The following ADAMTSL1 variants were observed in gnomAD, a reference collection of about 807,000 sequenced individuals.
ADAMTSL1 encodes the protein ADAMTS-like protein 1.
Under a neutral mutation model 201.8 loss-of-function variants are expected in ADAMTSL1, and 126 were observed. That is an observed-to-expected ratio of 0.62 (90% CI 0.54 to 0.72). ADAMTSL1 has a LOEUF of 0.72. Among genes scored for constraint, ADAMTSL1 ranks in the 30% least tolerant of loss-of-function variants. The pLI is 0.00. For missense variants in ADAMTSL1, 2,679 were observed against 2,277.8 expected, an observed-to-expected ratio of 1.18 and a Z score of -3.59; for synonymous variants, 1,121 against 903.4, an observed-to-expected ratio of 1.24 and a Z score of -4.32.
chr9:18,158,888 A>G (rs931179347), intron 1 of ADAMTSL1, among the ~76,000 whole-genome samples: 8 of 151,910 alleles, frequency 5.3e-5, no homozygotes, highest in Non-Finnish European at 1.2e-4. Context: ...GCAGGACTAG[A>G]TTTGGGCTCT....
At chr9:18,138,353 A>G (rs768429724) in intron 1 of ADAMTSL1, among the ~76,000 whole-genome samples, 3 of 152,156 alleles carry the variant, frequency 2.0e-5, no homozygotes, top group South Asian at 2.1e-4. Flanking sequence ...TATCTCCCCA[A>G]TTATCTCTTT....
intron 1 of ADAMTSL1, among the ~76,000 whole-genome samples, chr9:17,914,247 A>T (rs922153794): frequency 1.1e-4 from 17 of 152,188 alleles, no homozygotes; most frequent in African/African-American, 3.6e-4. Context: ...AATATCCTTG[A>T]TGAACATTGA....
At chr9:18,047,340 T>C (rs1221836452) in intron 1 of ADAMTSL1, among the ~76,000 whole-genome samples, 6 of 152,192 alleles carry the variant, frequency 3.9e-5, no homozygotes, top group Admixed American at 2.0e-4. Flanking sequence ...TGTTCTTGGT[T>C]GTCACAACTT....
At chr9:18,473,952 T>C (rs898365747), upstream of ADAMTSL1, 9 of 406,424 alleles carry the variant, frequency 2.2e-5, no homozygotes, top group Middle Eastern at 6.1e-4. Flanking sequence ...CCCCCTTTTT[T>C]GCTCGCACCG....
chr9:18,635,227 T>G (rs1827039279), intron 5 of ADAMTSL1, among the ~76,000 whole-genome samples: 1 of 152,070 alleles, frequency 6.6e-6, no homozygotes, highest in Non-Finnish European at 1.5e-5. Flanking sequence ...GTGATGGTAT[T>G]TGAGATGCAT....
At chr9:18,491,407 A>G (rs963422991) in intron 1 of ADAMTSL1, among the ~76,000 whole-genome samples, 1 of 152,364 alleles carries the variant, frequency 6.6e-6, no homozygotes. Context: ...TGTGGAAGGA[A>G]AAAGAACTCT....
At chr9:18,245,278 G>A (rs1419274654) in intron 2 of ADAMTSL1, among the ~76,000 whole-genome samples, 3 of 152,102 alleles carry the variant, frequency 2.0e-5, no homozygotes, top group Non-Finnish European at 4.4e-5. Context: ...GGTCAAATGA[G>A]TAATTTAAAA....
chr9:18,208,791 G>T (rs1397431028), intron 2 of ADAMTSL1, among the ~76,000 whole-genome samples: 3 of 152,128 alleles, frequency 2.0e-5, no homozygotes, highest in Non-Finnish European at 2.9e-5. Context: ...AATGAGTTAT[G>T]TTAGAGGATA....
At chr9:18,852,077 A>G (rs894475972) in intron 23 of ADAMTSL1, among the ~76,000 whole-genome samples, 1 of 152,174 alleles carries the variant, frequency 6.6e-6, no homozygotes, top group Non-Finnish European at 1.5e-5. Flanking sequence ...GTGTCTGCCT[A>G]ACTACCTACT....
chr9:18,638,682 A>G (rs1827253511), intron 6 of ADAMTSL1, among the ~76,000 whole-genome samples: 1 of 152,158 alleles, frequency 6.6e-6, no homozygotes, highest in Non-Finnish European at 1.5e-5. Context: ...ATCAAAATGG[A>G]TTTTAAAAAG....
chr9:18,659,333 G>T (rs996554466), intron 8 of ADAMTSL1, among the ~76,000 whole-genome samples: 2 of 152,250 alleles, frequency 1.3e-5, no homozygotes, highest in African/African-American at 4.8e-5. Context: ...ATGGAGCAAT[G>T]TTGGATTTTA....
At chr9:18,393,943 T>A (rs940326282) in intron 2 of ADAMTSL1, among the ~76,000 whole-genome samples, 2 of 152,158 alleles carry the variant, frequency 1.3e-5, no homozygotes, top group African/African-American at 4.8e-5. Flanking sequence ...TAAACAAATA[T>A]CCTAATGTGT....
chr9:17,959,066 A>G (rs1817612229), intron 1 of ADAMTSL1, among the ~76,000 whole-genome samples: 1 of 152,192 alleles, frequency 6.6e-6, no homozygotes, highest in Non-Finnish European at 1.5e-5. Flanking sequence ...CTACTGTAAT[A>G]TAGTATTATT....
At chr9:18,012,783 G>A (rs1480188764) in intron 1 of ADAMTSL1, among the ~76,000 whole-genome samples, 2 of 151,976 alleles carry the variant, frequency 1.3e-5, no homozygotes, top group Non-Finnish European at 2.9e-5. Context: ...CAATGCGGGA[G>A]CTTTGTCTTT....
chr9:18,721,797 T>A, intron 15 of ADAMTSL1, 132 bp downstream of exon 15: 1 of 1,364,288 alleles, frequency 7.3e-7, no homozygotes, highest in East Asian at 2.6e-5. Context: ...TTCAAACTTT[T>A]AGTCAAATCC....
At position 17,936,753 on chromosome 9, in the gene ADAMTSL1, C is replaced by T. The variant is rs1352547891; in HGVS notation, c.87+29831C>T. Among the ~76,000 whole-genome samples the T allele has an allele frequency of 7.2e-5, 11 of 152,166 alleles. No homozygotes were observed. In the South Asian group the frequency reaches 8.3e-4, roughly 11 times the overall value. On this transcript the variant is annotated intron_variant, in intron 1 of 29. Coordinates refer to the ADAMTSL1 transcript ENST00000680146. Reference sequence around the variant, plus strand: ...CCAAATATCTCCCCAACCTCGCCACCGCCTGCATGGATGGGCTTTTGCCAG... The same window carrying T: ...CCAAATATCTCCCCAACCTCGCCACTGCCTGCATGGATGGGCTTTTGCCAG...
At chr9:18,330,673 T>C (rs773067027) in intron 2 of ADAMTSL1, among the ~76,000 whole-genome samples, 9 of 152,188 alleles carry the variant, frequency 5.9e-5, no homozygotes, top group Non-Finnish European at 8.8e-5. Flanking sequence ...GAGTAGAAAG[T>C]GGCAAAACTG....
intron 2 of ADAMTSL1, among the ~76,000 whole-genome samples, chr9:18,222,513 T>C (rs1219193258): frequency 6.6e-6 from 1 of 152,026 alleles, no homozygotes; most frequent in African/African-American, 2.4e-5. Context: ...TTCACTTCAA[T>C]CATCTTTTCC....
intron 2 of ADAMTSL1, among the ~76,000 whole-genome samples, chr9:18,248,910 A>G (rs964544302): frequency 6.6e-6 from 1 of 152,250 alleles, no homozygotes; most frequent in African/African-American, 2.4e-5. Flanking sequence ...CAAAGAAAAC[A>G]AAGTACTATG....
Sources: gnomAD v4.1 joint callset for allele counts (sites outside exome capture counted in the v4.1 genomes callset) on GRCh38, gnomAD v4.1.1 for gene constraint, MANE v1.5 for transcripts, NCBI Gene and HGNC (gene_info 2026-07-23, HGNC 2026-07-21) for gene names.